CNTNAP4: variants seen among roughly 807,000 people sequenced by gnomAD.
The protein encoded by CNTNAP4 is contactin associated protein family member 4.
Under a neutral mutation model 148.4 loss-of-function variants are expected in CNTNAP4, and 98 were observed. The ratio of observed to expected loss-of-function variants is 0.66; its 90% CI spans 0.56 to 0.78. The LOEUF is 0.78. CNTNAP4 is among the 30% of genes least tolerant of loss of function. The pLI is 0.00. For missense variants in CNTNAP4, 1,935 were observed against 1,565.6 expected (o/e 1.24, Z -3.98); for synonymous variants, 730 against 565.1 (o/e 1.29, Z -4.14).
intron 11 of CNTNAP4, 33 bp from the exon 12 acceptor site, chr16:76,479,386 C>G: frequency 6.5e-7 from 1 of 1,539,390 alleles, no homozygotes; most frequent in South Asian, 1.3e-5. Context: ...TCATTTCATG[C>G]TATTCCATTA....
At chr16:76,347,579 A>G (rs1348187937) in intron 2 of CNTNAP4, among the ~76,000 whole-genome samples, 2 of 152,226 alleles carry the variant, frequency 1.3e-5, no homozygotes, top group South Asian at 2.1e-4. Flanking sequence ...ACTGCGGAGC[A>G]GAAGGAATTT....
chr16:76,456,648 A>G (rs2080741722), intron 8 of CNTNAP4, among the ~76,000 whole-genome samples: 1 of 152,218 alleles, frequency 6.6e-6, no homozygotes, highest in African/African-American at 2.4e-5. Context: ...CCCAGCCCTC[A>G]GTGCCAGCCA....
intron 23 of CNTNAP4, among the ~76,000 whole-genome samples, chr16:76,555,922 G>A (rs1370514437): frequency 6.6e-6 from 1 of 152,152 alleles, no homozygotes; most frequent in Non-Finnish European, 1.5e-5. Flanking sequence ...ACCTCTGAAG[G>A]CCTTGTCTGG....
At chr16:76,311,408 T>C (rs544845136) in intron 1 of CNTNAP4, among the ~76,000 whole-genome samples, 12 of 152,266 alleles carry the variant, frequency 7.9e-5, no homozygotes, top group Admixed American at 3.9e-4. Flanking sequence ...TTCTGAGATA[T>C]TGAACGGAAA....
At chr16:76,407,739 A>G (rs1262559702) in intron 3 of CNTNAP4, among the ~76,000 whole-genome samples, 4 of 152,144 alleles carry the variant, frequency 2.6e-5, no homozygotes, top group Non-Finnish European at 5.9e-5. Flanking sequence ...TGCTATGAAC[A>G]TAGTTGAAAT....
chr16:76,553,504 G>A lies in CNTNAP4; in HGVS notation c.3661+3G>A, dbSNP rs1198952654. 6.2e-7 allele frequency: 1 copy of A among 1,600,214 alleles called. No homozygotes were observed. ...GGAAAGGACACACTCGTTTGCAGGT[G>A]ACTTAGAGTTCTTCCTCTACTCAGT... On this transcript the variant is annotated splice_donor_region_variant and intron_variant, in intron 22 of 23. Transcript: ENST00000611870.
chr16:76,426,691 TGGTTGC>T (rs2079417758), intron 3 of CNTNAP4, among the ~76,000 whole-genome samples: 5 of 152,168 alleles, frequency 3.3e-5, no homozygotes, highest in African/African-American at 4.8e-5. Flanking sequence ...TACCATGTAA[TGGTTGC>T]AATGGTTGCA....
chr16:76,370,940 C>T (rs1233937401), intron 3 of CNTNAP4, among the ~76,000 whole-genome samples: 3 of 149,322 alleles, frequency 2.0e-5, no homozygotes, highest in African/African-American at 7.5e-5. Flanking sequence ...CTCTTCTGTC[C>T]TGGTAATATT....
intron 2 of CNTNAP4, among the ~76,000 whole-genome samples, chr16:76,329,332 A>G (rs1056543310): frequency 6.6e-6 from 1 of 152,324 alleles, no homozygotes; most frequent in Non-Finnish European, 1.5e-5. Flanking sequence ...TGGTTTTCCC[A>G]TTTAATTAGA....
At chr16:76,392,991 T>A (rs2078079323) in intron 3 of CNTNAP4, among the ~76,000 whole-genome samples, 1 of 152,214 alleles carries the variant, frequency 6.6e-6, no homozygotes, top group South Asian at 2.1e-4. Flanking sequence ...CATAATGGGC[T>A]TATCATTTTT....
rs551953899 is a variant in CNTNAP4, at chr16:76,308,400, C to T, written c.86-8013C>T. Among the ~76,000 whole-genome samples the T allele has an allele frequency of 6.3e-4, 96 of 152,258 alleles. 1 individual carries two copies. The South Asian group carries it at 0.019, about 30-fold the overall frequency. ...TTAGAAAAATTATATTTTATTCAATCCTAGGTGTATTGTCAGTTTTCCCTA... is the reference window on the plus strand; with the variant it reads ...TTAGAAAAATTATATTTTATTCAATTCTAGGTGTATTGTCAGTTTTCCCTA... On this transcript the variant is annotated intron_variant, in intron 1 of 23. Coordinates refer to ENST00000611870, the MANE Select transcript of CNTNAP4 (RefSeq NM_033401.5).
At chr16:76,315,850 C>T (rs1388667906) in intron 1 of CNTNAP4, among the ~76,000 whole-genome samples, 1 of 152,022 alleles carries the variant, frequency 6.6e-6, no homozygotes, top group Non-Finnish European at 1.5e-5. Flanking sequence ...CTGCCTCAGC[C>T]TCCCAAAGTG....
chr16:76,409,246 C>T (rs984667574), intron 3 of CNTNAP4, among the ~76,000 whole-genome samples: 1 of 151,772 alleles, frequency 6.6e-6, no homozygotes, highest in South Asian at 2.1e-4. Flanking sequence ...AGCAGCAAGG[C>T]GTTTTATCTG....
chr16:76,470,176 A>G (rs2081313462), intron 10 of CNTNAP4, among the ~76,000 whole-genome samples: 2 of 152,148 alleles, frequency 1.3e-5, no homozygotes, highest in Non-Finnish European at 2.9e-5. Context: ...GAAAAGGCAG[A>G]GCCCAGCCTC....
intron 12 of CNTNAP4, among the ~76,000 whole-genome samples, chr16:76,480,679 A>G (rs367856324): frequency 1.3e-5 from 2 of 152,144 alleles, no homozygotes; most frequent in African/African-American, 4.8e-5. Flanking sequence ...TGGAGGTTGC[A>G]TTGAGCCAAG....
chr16:76,523,258 A>G (rs1054619334), intron 17 of CNTNAP4, among the ~76,000 whole-genome samples: 2 of 42,702 alleles, frequency 4.7e-5, no homozygotes, highest in African/African-American at 8.5e-5. Flanking sequence ...CCCACCAACC[A>G]TCACATCAAA....
At chr16:76,319,439 T>C (rs558366514) in intron 2 of CNTNAP4, among the ~76,000 whole-genome samples, 4 of 152,102 alleles carry the variant, frequency 2.6e-5, no homozygotes, top group Non-Finnish European at 4.4e-5. Context: ...AAACATACTT[T>C]CCATTCGAAG....
At chr16:76,541,138 T>A (rs2084436855) in intron 21 of CNTNAP4, among the ~76,000 whole-genome samples, 1 of 152,190 alleles carries the variant, frequency 6.6e-6, no homozygotes, top group African/African-American at 2.4e-5. Context: ...TATACAAACT[T>A]TCCTCTAATG....
intron 1 of CNTNAP4, among the ~76,000 whole-genome samples, chr16:76,289,433 C>A (rs1959021550): frequency 6.6e-6 from 1 of 151,704 alleles, no homozygotes; most frequent in Non-Finnish European, 1.5e-5. Context: ...TTTTTCTTTT[C>A]ATTATTAACT....
Sources: allele counts gnomAD v4.1 joint callset (sites outside exome capture counted in the v4.1 genomes callset), GRCh38; gene constraint gnomAD v4.1.1; transcripts MANE v1.5; gene names NCBI Gene and HGNC (gene_info 2026-07-23, HGNC 2026-07-21).